The following CREB5 variants were observed in gnomAD, a reference collection of about 807,000 sequenced individuals.
The protein encoded by CREB5 is cyclic AMP-responsive element-binding protein 5.
Under a neutral mutation model 57.1 loss-of-function variants are expected in CREB5, and 19 were observed. That is an observed-to-expected ratio of 0.33 (90% confidence interval 0.23 to 0.49). CREB5 has a LOEUF of 0.49. CREB5 is among the 20% of genes least tolerant of loss of function. CREB5 has a pLI of 0.99. For synonymous variants in CREB5, 238 were observed against 238.3 expected (o/e 1.00, Z 0.01); for missense variants, 579 against 671.6 (o/e 0.86, Z 1.52).
At chr7:28,663,566 T>C (rs1238780767) in intron 5 of CREB5, among the ~76,000 whole-genome samples, 1 of 152,176 alleles carries the variant, frequency 6.6e-6, no homozygotes, top group African/African-American at 2.4e-5. Flanking sequence ...ACCACAAGTC[T>C]CTGGTCTAAG....
At chr7:28,689,947 T>G (rs980068683) in intron 5 of CREB5, among the ~76,000 whole-genome samples, 1 of 147,152 alleles carries the variant, frequency 6.8e-6, no homozygotes. Context: ...TGTGTGTGTG[T>G]TGTTTTTGTC....
intron 1 of CREB5, among the ~76,000 whole-genome samples, chr7:28,316,103 G>A (rs1785373744): frequency 6.6e-6 from 1 of 152,216 alleles, no homozygotes; most frequent in African/African-American, 2.4e-5. Flanking sequence ...GTGCATTGCC[G>A]AGGAGGCGGG....
intron 7 of CREB5, among the ~76,000 whole-genome samples, chr7:28,793,235 C>T (rs1396033095): frequency 6.6e-6 from 1 of 152,064 alleles, no homozygotes; most frequent in Non-Finnish European, 1.5e-5. Context: ...CCAAATACAC[C>T]ATCACTATTT....
chr7:28,802,078 G>GAAAAAAAAAAAA (rs35658848), intron 7 of CREB5, among the ~76,000 whole-genome samples: 2 of 26,638 alleles, frequency 7.5e-5, no homozygotes, highest in African/African-American at 1.4e-4. Flanking sequence ...GACTCCATCT[G>GAAAAAAAAAAAA]AAAAAAAAAA....
chr7:28,492,422 G>A (rs1791846690), intron 2 of CREB5, among the ~76,000 whole-genome samples: 1 of 152,086 alleles, frequency 6.6e-6, no homozygotes, highest in Non-Finnish European at 1.5e-5. Context: ...CCTTCTAAAT[G>A]AACCACGTTC....
intron 9 of CREB5, among the ~76,000 whole-genome samples, chr7:28,810,834 AAATGGAGATGG>A (rs1194424317): frequency 6.6e-6 from 1 of 152,268 alleles, no homozygotes; most frequent in African/African-American, 2.4e-5. Context: ...CAGTTTCATT[AAATGGAGATGG>A]CTTGGGGTTT....
At chr7:28,796,246 A>G (rs758914038) in intron 7 of CREB5, among the ~76,000 whole-genome samples, 26 of 152,270 alleles carry the variant, frequency 1.7e-4, no homozygotes, top group Non-Finnish European at 2.1e-4. Context: ...CTATGATTTA[A>G]GTATTTCTAG....
intron 4 of CREB5, among the ~76,000 whole-genome samples, chr7:28,552,433 T>C (rs4722818): frequency 0.36 from 54,342 of 152,040 alleles, 10,066 homozygotes; most frequent in Middle Eastern, 0.4. Flanking sequence ...TTTCCTCCCA[T>C]GTTTCTGGTC....
At chr7:28,368,636 C>G (rs79481252) in intron 1 of CREB5, among the ~76,000 whole-genome samples, 1,857 of 152,284 alleles carry the variant, frequency 0.012, 35 homozygotes, top group African/African-American at 0.043. Context: ...GGTCCCATTG[C>G]TACCTCATTT....
intron 1 of CREB5, among the ~76,000 whole-genome samples, chr7:28,401,507 G>C (rs1787463281): frequency 6.6e-6 from 1 of 151,918 alleles, no homozygotes; most frequent in African/African-American, 2.4e-5. Context: ...TTGGTGTGCT[G>C]CACCCATTAA....
In CREB5 at chr7:28,560,905, CGTGCGTGT is replaced by C. The variant is rs1562797702; in HGVS notation, c.292-9458_292-9451del. Among the ~76,000 whole-genome samples the C allele has an allele frequency of 4.0e-3, 54 of 13,462 alleles. 2 individuals are homozygous for C. Among genetic ancestry groups the C allele is most frequent in the East Asian group, 0.028 (6 of 218 alleles). 8.8% of individuals were successfully genotyped at this position (13,462 alleles called of 152,430 possible). A position where few individuals can be genotyped will look rare whatever the true frequency, so the allele number is the denominator to read the frequency against. On this transcript the variant is annotated intron_variant, in intron 4 of 10. Transcript: ENST00000357727. ...GTGCGTGCGTGTGTGTGCGTGCGCGCGTGCGTGTGCGTGTGTGCGCGTGCGTGTGTGCG... is the reference window on the plus strand; with the variant it reads ...GTGCGTGCGTGTGTGTGCGTGCGCGCGCGTGTGTGCGCGTGCGTGTGTGCG...
At chr7:28,693,125 A>G (rs571907455) in intron 5 of CREB5, among the ~76,000 whole-genome samples, 2 of 152,306 alleles carry the variant, frequency 1.3e-5, no homozygotes, top group African/African-American at 4.8e-5. Context: ...GTACCAAAAA[A>G]CTGAATTCTG....
rs1491531169 is a variant in CREB5, at chr7:28,535,468, CAT to C, written c.291+27733_291+27734del. 9.7e-3 allele frequency among the ~76,000 whole-genome samples: 1,009 copies of C among 104,558 alleles called. 131 individuals are homozygous for C. Among genetic ancestry groups the C allele is most frequent in the Non-Finnish European group, 0.019 (818 of 43,634 alleles). The allele number at this position is 104,558 out of a possible 152,430, so 68.6% of individuals were successfully genotyped here. ...AAGGAAAAAATGGGAGTAGAAGTCT[CAT>C]AATATTTCCTTCTCTTCATCTCGAC... On this transcript the variant is annotated intron_variant, in intron 4 of 10. Coordinates refer to ENST00000357727, the MANE Select transcript of CREB5 (RefSeq NM_182898.4).
At chr7:28,628,081 T>C (rs1441557960) in intron 5 of CREB5, among the ~76,000 whole-genome samples, 1 of 152,100 alleles carries the variant, frequency 6.6e-6, no homozygotes, top group Non-Finnish European at 1.5e-5. Flanking sequence ...ATTTCTCTTA[T>C]TCTCTTATTC....
intron 7 of CREB5, among the ~76,000 whole-genome samples, chr7:28,787,194 C>T (rs1005624644): frequency 1.3e-5 from 2 of 152,092 alleles, no homozygotes; most frequent in African/African-American, 4.8e-5. Context: ...CCCATGTGGC[C>T]CAGTGGCTGA....
intron 1 of CREB5, among the ~76,000 whole-genome samples, chr7:28,416,921 T>C (rs1460816322): frequency 1.3e-5 from 2 of 152,084 alleles, no homozygotes; most frequent in Non-Finnish European, 2.9e-5. Context: ...ATAAGGAAAA[T>C]AGATTTTTAT....
At chr7:28,396,526 A>G (rs62451099) in intron 1 of CREB5, among the ~76,000 whole-genome samples, 5,199 of 152,296 alleles carry the variant, frequency 0.034, 137 homozygotes, top group Non-Finnish European at 0.051. Flanking sequence ...ATAAACTAGT[A>G]ATATAATCTC....
chr7:28,519,375 T>C (rs1174316169), intron 4 of CREB5, among the ~76,000 whole-genome samples: 2 of 152,252 alleles, frequency 1.3e-5, no homozygotes, highest in Non-Finnish European at 2.9e-5. Flanking sequence ...GCAGACATTC[T>C]GATTATACCT....
At chr7:28,346,830 C>T (rs376019160) in intron 1 of CREB5, among the ~76,000 whole-genome samples, 3 of 92,914 alleles carry the variant, frequency 3.2e-5, no homozygotes, top group African/African-American at 1.0e-4. Context: ...TCACAACATC[C>T]ACCACAGCTA....
Sources: allele counts gnomAD v4.1 joint callset (sites outside exome capture counted in the v4.1 genomes callset), GRCh38; gene constraint gnomAD v4.1.1; transcripts MANE v1.5; gene names NCBI Gene and HGNC (gene_info 2026-07-23, HGNC 2026-07-21).